The following MAGI1 variants were observed in gnomAD, a reference collection of about 807,000 sequenced individuals.
The protein encoded by MAGI1 is membrane associated guanylate kinase, WW and PDZ domain containing 1, also known as membrane-associated guanylate kinase, WW and PDZ domain-containing protein 1.
MAGI1 carries 58 observed loss-of-function variants against 139.9 expected under a neutral mutation model. The ratio of observed to expected loss-of-function variants is 0.41; its 90% CI spans 0.34 to 0.52. MAGI1 has a LOEUF of 0.52. MAGI1 is among the 20% of genes least tolerant of loss of function. The probability of loss-of-function intolerance (pLI) is 0.12; values close to 1 mark genes in which losing one functional copy is unlikely to be tolerated. For synonymous variants in MAGI1, 812 were observed against 737.9 expected, an observed-to-expected ratio of 1.10 and a Z score of -1.63; for missense variants, 1,874 against 1,901.6, an observed-to-expected ratio of 0.99 and a Z score of 0.27.
At chr3:65,813,859 T>G (rs564896979) in intron 1 of MAGI1, among the ~76,000 whole-genome samples, 1 of 152,310 alleles carries the variant, frequency 6.6e-6, no homozygotes, top group African/African-American at 2.4e-5. Context: ...TCTTCAAACT[T>G]TATTCTGAAA....
intron 1 of MAGI1, among the ~76,000 whole-genome samples, chr3:65,692,698 G>C (rs185551741): frequency 1.3e-5 from 2 of 152,244 alleles, no homozygotes; most frequent in East Asian, 1.9e-4. Flanking sequence ...TGAGGGCTCT[G>C]TCCTCATGAA....
Position 65,470,335 on chromosome 3 carries a change from G to A in MAGI1, c.907C>T (p.Pro303Ser), listed in dbSNP as rs768617095. The change falls in exon 5 of 23, where the codon CCT becomes TCT. Residue 303 changes from proline to serine, a missense_variant. Around this residue, in one of 5 missense-constraint regions of MAGI1, gnomAD observed 648 missense variants for 598.1 expected, o/e 1.08. Coordinates refer to ENST00000402939, the MANE Select transcript of MAGI1 (RefSeq NM_001033057.2). ...LSAEDNLGPL[P>S]ENWEMAYTEN... ...GTATAGGCCATCTCCCAGTTTTCAG[G>A]TAGAGGACCTAAATTATCCTCTGCA... The A allele has an allele frequency of 6.2e-7, 1 of 1,613,616 alleles. No homozygotes were observed. The highest frequency in any genetic ancestry group is 8.5e-7 in the Non-Finnish European group (1 of 1,179,716).
intron 1 of MAGI1, among the ~76,000 whole-genome samples, chr3:66,013,935 A>G (rs1156438199): frequency 6.6e-6 from 1 of 152,184 alleles, no homozygotes; most frequent in Non-Finnish European, 1.5e-5. Flanking sequence ...AAAAGAAAAA[A>G]GGTAACTTCT....
intron 4 of MAGI1, among the ~76,000 whole-genome samples, 172 bp downstream of exon 4, chr3:65,478,417 AAAG>A (rs1425822413): frequency 6.6e-6 from 1 of 152,178 alleles, no homozygotes; most frequent in Non-Finnish European, 1.5e-5. Context: ...AGGGGCATGA[AAAG>A]AAGACCAGGG....
chr3:65,961,306 T>C (rs968826576), intron 1 of MAGI1, among the ~76,000 whole-genome samples: 5 of 152,306 alleles, frequency 3.3e-5, no homozygotes, highest in Middle Eastern at 3.4e-3. Flanking sequence ...TATCTACCCA[T>C]AATGCATTTC....
intron 1 of MAGI1, among the ~76,000 whole-genome samples, chr3:66,024,909 G>A (rs1394863690): frequency 6.6e-6 from 1 of 152,160 alleles, no homozygotes; most frequent in African/African-American, 2.4e-5. Context: ...AGTGAGATAA[G>A]TGAAAAATTA....
At chr3:65,758,420 T>C (rs1464083918) in intron 1 of MAGI1, among the ~76,000 whole-genome samples, 1 of 152,252 alleles carries the variant, frequency 6.6e-6, no homozygotes, top group African/African-American at 2.4e-5. Flanking sequence ...TGGAGCTCAT[T>C]TCTGAAAATA....
intron 1 of MAGI1, among the ~76,000 whole-genome samples, chr3:66,010,791 C>A (rs1035682759): frequency 6.6e-6 from 1 of 152,210 alleles, no homozygotes; most frequent in Non-Finnish European, 1.5e-5. Flanking sequence ...ACACCACTCA[C>A]TACCAACTTG....
intron 5 of MAGI1, among the ~76,000 whole-genome samples, chr3:65,455,073 T>A (rs1949302069): frequency 6.6e-6 from 1 of 152,062 alleles, no homozygotes; most frequent in African/African-American, 2.4e-5. Context: ...ATAACAAGGA[T>A]CATTGTTAGG....
intron 1 of MAGI1, among the ~76,000 whole-genome samples, chr3:65,682,715 T>G (rs1253801033): frequency 6.6e-6 from 1 of 152,152 alleles, no homozygotes; most frequent in Non-Finnish European, 1.5e-5. Flanking sequence ...CACCAAAAGC[T>G]TGATCCACTC....
chr3:65,566,022 G>A (rs559833097), intron 2 of MAGI1, among the ~76,000 whole-genome samples: 2 of 152,066 alleles, frequency 1.3e-5, no homozygotes, highest in African/African-American at 2.4e-5. Context: ...TTGGGAGGCT[G>A]AGGCGGGCGG....
chr3:65,482,691 A>G (rs950667724), intron 3 of MAGI1, among the ~76,000 whole-genome samples: 2 of 152,242 alleles, frequency 1.3e-5, no homozygotes, highest in African/African-American at 2.4e-5. Context: ...TACAACCTTT[A>G]CAGAAAAGAT....
At chr3:65,491,487 C>A (rs1402958233) in intron 3 of MAGI1, among the ~76,000 whole-genome samples, 1 of 152,104 alleles carries the variant, frequency 6.6e-6, no homozygotes, top group Non-Finnish European at 1.5e-5. Context: ...ACCACTCCCA[C>A]CCCAGCCTCT....
chr3:65,801,990 G>T (rs565586967), intron 1 of MAGI1, among the ~76,000 whole-genome samples: 2 of 152,158 alleles, frequency 1.3e-5, no homozygotes, highest in East Asian at 3.9e-4. Flanking sequence ...CACATGTTGG[G>T]GATCTAGGTT....
At chr3:65,815,588 T>C (rs1452989059) in intron 1 of MAGI1, among the ~76,000 whole-genome samples, 2 of 152,202 alleles carry the variant, frequency 1.3e-5, no homozygotes, top group East Asian at 3.8e-4. Flanking sequence ...AATCATATAG[T>C]ATTATCTTAG....
intron 1 of MAGI1, among the ~76,000 whole-genome samples, chr3:65,677,324 G>A (rs1285415026): frequency 6.6e-6 from 1 of 152,146 alleles, no homozygotes; most frequent in African/African-American, 2.4e-5. Context: ...CAGGGGTATA[G>A]AGCAAGGTGG....
chr3:65,929,265 A>G (rs939519487), intron 1 of MAGI1, among the ~76,000 whole-genome samples: 2 of 152,054 alleles, frequency 1.3e-5, no homozygotes, highest in Non-Finnish European at 1.5e-5. Flanking sequence ...TTTCTCCTCA[A>G]TCTAACTCAA....
At chr3:65,901,903 C>A (rs75215251) in intron 1 of MAGI1, among the ~76,000 whole-genome samples, 1 of 151,282 alleles carries the variant, frequency 6.6e-6, no homozygotes, top group East Asian at 2.0e-4. Context: ...AAAATACTTA[C>A]GAGGTTTTAA....
intron 1 of MAGI1, among the ~76,000 whole-genome samples, chr3:65,864,192 T>G (rs1003281579): frequency 6.6e-6 from 1 of 152,162 alleles, no homozygotes; most frequent in Non-Finnish European, 1.5e-5. Flanking sequence ...TCAACCTAAA[T>G]ACATACACAG....
Sources: gnomAD v4.1 joint callset for allele counts (sites outside exome capture counted in the v4.1 genomes callset) on GRCh38, gnomAD v4.1.1 for gene constraint, gnomAD v4.1.1 regional missense constraint, MANE v1.5 for transcripts, NCBI Gene and HGNC (gene_info 2026-07-23, HGNC 2026-07-21) for gene names.